TMEM106B: variants seen among roughly 807,000 people sequenced by gnomAD.
TMEM106B encodes the protein transmembrane protein 106B.
TMEM106B carries 15 observed loss-of-function variants against 31.1 expected under a neutral mutation model. That is an observed-to-expected ratio of 0.48 (90% CI 0.32 to 0.74). The LOEUF (loss-of-function observed/expected upper bound fraction) is 0.74. Ranked by LOEUF, TMEM106B falls within the 30% of genes least tolerant of loss-of-function variation. TMEM106B has a pLI of 0.03. For synonymous variants in TMEM106B, 126 were observed against 112.5 expected, an observed-to-expected ratio of 1.12 and a Z score of -0.76; for missense variants, 283 against 327.3, an observed-to-expected ratio of 0.86 and a Z score of 1.04.
At chr7:12,231,489 G>T (rs1304039889) in intron 7 of TMEM106B, 1 of 248,816 alleles carries the variant, frequency 4.0e-6, no homozygotes. Context: ...TTGATTATAG[G>T]TTTGGTGTTT....
rs2128529454 is a variant in TMEM106B, at chr7:12,237,571, A to C, written c.*5596A>C. On this transcript the variant is annotated 3_prime_UTR_variant, in exon 8 of 8. Coordinates refer to ENST00000396668, the MANE Select transcript of TMEM106B (RefSeq NM_001134232.2). The stretch of plus-strand genomic sequence containing the variant: ...AAAGTGATATAATCAAGCAAGTTAC[A>C]CACCTTTTTTTGGTTTCCCAGTGCA... The C allele has an allele frequency of 6.6e-6, 1 of 152,222 alleles. No homozygotes were observed. The highest frequency in any genetic ancestry group is 2.4e-5 in the African/African-American group (1 of 41,544). The allele number at this position is 152,222 out of a possible 1,614,324, so 9.4% of individuals were successfully genotyped here.
chr7:12,218,559 T>C, intron 3 of TMEM106B, 38 bp downstream of exon 3: 1 of 1,554,210 alleles, frequency 6.4e-7, no homozygotes, highest in Non-Finnish European at 8.7e-7. Context: ...TTTTATGTTT[T>C]ATTTTTGTTT....
At chr7:12,213,964 C>G (rs1256099656) in intron 1 of TMEM106B, among the ~76,000 whole-genome samples, 1 of 152,114 alleles carries the variant, frequency 6.6e-6, no homozygotes, top group African/African-American at 2.4e-5. Flanking sequence ...CTTTGGAATT[C>G]AGGCACAACT....
chr7:12,231,819 C>CA lies in TMEM106B; in HGVS notation c.687-17dup. 1 of 1,579,324 alleles carries CA rather than the reference C, an allele frequency of 6.3e-7. No individual in the cohort carries two copies. Among genetic ancestry groups the CA allele is most frequent in the Non-Finnish European group, 8.6e-7 (1 of 1,156,118 alleles). ...AATATAACTATTAAATGTCTCTCCT[C>CA]ACTTACATTATTTTTAGAGTTACTG... On this transcript the variant is annotated splice_polypyrimidine_tract_variant and intron_variant, in intron 7 of 7. Transcript: ENST00000396668.
rs1583457255 is a variant in TMEM106B, at chr7:12,229,182, T to G, written c.442-497T>G. Among the ~76,000 whole-genome samples the G allele has an allele frequency of 2.0e-5, 3 of 152,218 alleles. 1 individual carries two copies. In the South Asian group the frequency reaches 6.2e-4, roughly 32 times the overall value. ...AGTAATTTGAGACAACAGTTGTAAATTAGAAATGTAGAAGGTGATCCCAGC... is the reference window on the plus strand; with the variant it reads ...AGTAATTTGAGACAACAGTTGTAAAGTAGAAATGTAGAAGGTGATCCCAGC... On this transcript the variant is annotated intron_variant, in intron 4 of 7. Coordinates refer to ENST00000396668, the MANE Select transcript of TMEM106B (RefSeq NM_001134232.2).
rs1554311712 is a variant in TMEM106B, at chr7:12,237,816, T to TACATACAC, written c.*5844_*5845insTACACACA. ...CGAGACCCCATATAAAATATATACA[T>TACATACAC]ACACACACACACACACACACACACA... On this transcript the variant is annotated 3_prime_UTR_variant, in exon 8 of 8. Coordinates refer to ENST00000396668, the MANE Select transcript of TMEM106B (RefSeq NM_001134232.2). The TACATACAC allele has an allele frequency of 8.8e-5, 11 of 124,748 alleles. No homozygotes were observed. Among genetic ancestry groups the TACATACAC allele is most frequent in the Non-Finnish European group, 1.8e-4 (10 of 56,962 alleles). 7.7% of individuals were successfully genotyped at this position (124,748 alleles called of 1,614,324 possible).
rs1782061308 is a variant in TMEM106B at position 12,233,223 on chromosome 7, G to T, written c.*1248G>T. ...TCAACTTTGCTGTTTTATATTTTCA[G>T]TATCATTTTTCATTTTTTTTTTTTT... On this transcript the variant is annotated 3_prime_UTR_variant, in exon 8 of 8. Transcript: ENST00000396668. The T allele has an allele frequency of 7.2e-6, 1 of 138,242 alleles. No individual in the cohort carries two copies. Among genetic ancestry groups the T allele is most frequent in the African/African-American group, 2.8e-5 (1 of 36,242 alleles). 8.6% of individuals were successfully genotyped at this position (138,242 alleles called of 1,614,324 possible).
rs1782204949 is a variant in TMEM106B at position 12,239,606 on chromosome 7, A to T, written c.*7631A>T. ...TCTAGCTTTTGATTGAAAGTGAGAGATATGTGACTCTTCCTTTTACTTGAA... is the reference window on the plus strand; with the variant it reads ...TCTAGCTTTTGATTGAAAGTGAGAGTTATGTGACTCTTCCTTTTACTTGAA... On this transcript the variant is annotated 3_prime_UTR_variant, in exon 8 of 8. Transcript: ENST00000396668. 6.6e-6 allele frequency: 1 copy of T among 152,110 alleles called. No individual in the cohort carries two copies. The highest frequency in any genetic ancestry group is 2.1e-4 in the South Asian group (1 of 4,828). The allele number at this position is 152,110 out of a possible 1,614,324, so 9.4% of individuals were successfully genotyped here. A position where few individuals can be genotyped will look rare whatever the true frequency, so the allele number is the denominator to read the frequency against.
chr7:12,230,382 C>T lies in TMEM106B; in HGVS notation c.583-7C>T, dbSNP rs376443768. On this transcript the variant is annotated splice_region_variant and splice_polypyrimidine_tract_variant and intron_variant, in intron 5 of 7. Coordinates refer to ENST00000396668, the MANE Select transcript of TMEM106B (RefSeq NM_001134232.2). ...TTCTCTATCGAATTTCTCCTTTTGCCTTTCAGATTGATTACACAGTACCTA... is the reference window on the plus strand; with the variant it reads ...TTCTCTATCGAATTTCTCCTTTTGCTTTTCAGATTGATTACACAGTACCTA... 3.1e-5 allele frequency: 49 copies of T among 1,598,180 alleles called. No individual in the cohort carries two copies. Among genetic ancestry groups the T allele is most frequent in the Middle Eastern group, 1.7e-4 (1 of 6,038 alleles).
chr7:12,222,505 C>T (rs1419335961), intron 3 of TMEM106B, among the ~76,000 whole-genome samples: 9 of 152,162 alleles, frequency 5.9e-5, no homozygotes, highest in East Asian at 1.9e-4. Flanking sequence ...TGGATTCACC[C>T]GCCCATAAGT....
rs554580446 is a variant in TMEM106B at position 12,241,472 on chromosome 7, A to C, written c.*9497A>C. 3.5e-5 allele frequency: 5 copies of C among 144,782 alleles called. No individual in the cohort carries two copies. The highest frequency in any genetic ancestry group is 1.4e-4 in the African/African-American group (5 of 35,870). 9.0% of individuals were successfully genotyped at this position (144,782 alleles called of 1,614,324 possible). ...TGTGTCCATCTGTTCTCATTGTTCA[A>C]CTCCCACTTATGAGTGGCAACATGT... On this transcript the variant is annotated 3_prime_UTR_variant, in exon 8 of 8. Coordinates refer to ENST00000396668, the MANE Select transcript of TMEM106B (RefSeq NM_001134232.2).
Position 12,234,337 on chromosome 7 carries a change from CTT to C in TMEM106B, c.*2365_*2366del, listed in dbSNP as rs1562711419. The C allele has an allele frequency of 6.6e-6, 1 of 151,514 alleles. No homozygotes were observed. The highest frequency in any genetic ancestry group is 1.9e-4 in the East Asian group (1 of 5,184). The allele number at this position is 151,514 out of a possible 1,614,324, so 9.4% of individuals were successfully genotyped here. On this transcript the variant is annotated 3_prime_UTR_variant, in exon 8 of 8. Coordinates refer to ENST00000396668, the MANE Select transcript of TMEM106B (RefSeq NM_001134232.2). ...GAATTAATTTTTTTTATTATATCTA[CTT>C]TTAGTGGAGTTTGAGTCAGAAAAAA... is the stretch of plus-strand genomic sequence containing the variant.
At position 12,229,930 on chromosome 7, in the gene TMEM106B, GTC is replaced by G. The variant is rs1781983335; in HGVS notation, c.582+115_582+116del. 9 of 1,227,592 alleles carry G rather than the reference GTC, an allele frequency of 7.3e-6. No individual in the cohort carries two copies. In the African/African-American group the frequency reaches 1.4e-4, roughly 19 times the overall value. The allele number at this position is 1,227,592 out of a possible 1,614,324, so 76.0% of individuals were successfully genotyped here. On this transcript the variant is annotated intron_variant, in intron 5 of 7. Coordinates refer to ENST00000396668, the MANE Select transcript of TMEM106B (RefSeq NM_001134232.2). ...CCTCAAAAACTTGATTTAGAAATGTGTCTCTGCTGGGTACAGTGGCTCATGCC... is the reference window on the plus strand; with the variant it reads ...CCTCAAAAACTTGATTTAGAAATGTGTCTGCTGGGTACAGTGGCTCATGCC...
At chr7:12,229,488 T>G (rs1781967779) in intron 4 of TMEM106B, among the ~76,000 whole-genome samples, 191 bp from the exon 5 acceptor site, 1 of 152,202 alleles carries the variant, frequency 6.6e-6, no homozygotes, top group South Asian at 2.1e-4. Flanking sequence ...TATGTTTTTA[T>G]TCTTGGCATA....
Position 12,236,624 on chromosome 7 carries a change from T to C in TMEM106B, c.*4649T>C, listed in dbSNP as rs888289184. ...AATATTACTACCATGTAGACTGTTA[T>C]AGTTCAAATTGTCCCACTTCACCCA... On this transcript the variant is annotated 3_prime_UTR_variant, in exon 8 of 8. Coordinates refer to ENST00000396668, the MANE Select transcript of TMEM106B (RefSeq NM_001134232.2). 2 of 151,998 alleles carry C rather than the reference T, an allele frequency of 1.3e-5. No individual in the cohort carries two copies. The highest frequency in any genetic ancestry group is 1.9e-4 in the East Asian group (1 of 5,196). The allele number at this position is 151,998 out of a possible 1,614,324, so 9.4% of individuals were successfully genotyped here.
Position 12,237,377 on chromosome 7 carries a change from G to C in TMEM106B, c.*5402G>C, listed in dbSNP as rs1782158925. The C allele has an allele frequency of 6.6e-6, 1 of 151,458 alleles. No individual in the cohort carries two copies. Among genetic ancestry groups the C allele is most frequent in the Non-Finnish European group, 1.5e-5 (1 of 67,844 alleles). 9.4% of individuals were successfully genotyped at this position (151,458 alleles called of 1,614,324 possible). ...TAGTCCTTACCTGAACTCTACTTTA[G>C]CATTATCTTTGATTTCTTTTTTTCA... On this transcript the variant is annotated 3_prime_UTR_variant, in exon 8 of 8. Transcript: ENST00000396668.
intron 4 of TMEM106B, among the ~76,000 whole-genome samples, chr7:12,228,880 AT>A (rs1275573122): frequency 5.3e-5 from 8 of 151,982 alleles, no homozygotes; most frequent in Non-Finnish European, 1.0e-4. Flanking sequence ...ATTGTAAAAT[AT>A]TTTTGGCCAT....
intron 4 of TMEM106B, among the ~76,000 whole-genome samples, chr7:12,226,975 G>T (rs1781913919): frequency 6.6e-6 from 1 of 151,764 alleles, no homozygotes; most frequent in African/African-American, 2.4e-5. Context: ...CTTTTTTCAT[G>T]TCAAATAACA....
intron 4 of TMEM106B, among the ~76,000 whole-genome samples, chr7:12,229,171 A>G (rs1781963389): frequency 6.6e-6 from 1 of 152,022 alleles, no homozygotes; most frequent in South Asian, 2.1e-4. Context: ...ATTTGAGACA[A>G]CAGTTGTAAA....
Sources: gnomAD v4.1 joint callset for allele counts (sites outside exome capture counted in the v4.1 genomes callset) on GRCh38, gnomAD v4.1.1 for gene constraint, MANE v1.5 for transcripts, NCBI Gene and HGNC (gene_info 2026-07-23, HGNC 2026-07-21) for gene names.